Variants in FBN2 observed in about 807,000 individuals in gnomAD.
FBN2 encodes the protein fibrillin 2.
A neutral mutation model predicts 355.6 loss-of-function variants in FBN2; 105 were observed. The ratio of observed to expected loss-of-function variants is 0.30; its 90% CI spans 0.25 to 0.35. The LOEUF is 0.35. Ranked by LOEUF, FBN2 falls within the 10% of genes least tolerant of loss-of-function variation. The probability of loss-of-function intolerance (pLI) is 1.00; values close to 1 mark genes in which losing one functional copy is unlikely to be tolerated. For missense variants in FBN2, 3,280 were observed against 3,758.7 expected (o/e 0.87, Z 3.33); for synonymous variants, 1,350 against 1,301.2 (o/e 1.04, Z -0.81).
Position 128,273,855 on chromosome 5 carries a change from C to T in FBN2, c.7825G>A (p.Gly2609Arg), listed in dbSNP as rs745860565. Reference protein sequence around the residue: ...CQRGFSLDATGLNCEDVDECD... With the variant: ...CQRGFSLDATRLNCEDVDECD... ...ATCAACTAACCTTCACAGTTCAGTC[C>T]GGTGGCATCAAGAGAGAACCCTCTT... The change falls in exon 61 of 65, where the codon GGA becomes AGA. Residue 2609 changes from glycine (G) to arginine (R), a missense_variant. By Grantham distance (125) the Gly-to-Arg change is moderately radical. Coordinates refer to ENST00000262464, the MANE Select transcript of FBN2 (RefSeq NM_001999.4). The T allele has an allele frequency of 1.1e-5, 18 of 1,613,652 alleles. No individual in the cohort carries two copies. Among genetic ancestry groups the T allele is most frequent in the East Asian group, 6.7e-5 (3 of 44,860 alleles).
intron 34 of FBN2, among the ~76,000 whole-genome samples, chr5:128,324,380 C>T (rs1408461295): frequency 1.3e-5 from 2 of 152,008 alleles, no homozygotes; most frequent in Non-Finnish European, 2.9e-5. Flanking sequence ...GTGATGTTAG[C>T]GTGTTGATTT....
At chr5:128,513,376 A>C (rs1009066597) in intron 5 of FBN2, among the ~76,000 whole-genome samples, 2 of 152,236 alleles carry the variant, frequency 1.3e-5, no homozygotes, top group Non-Finnish European at 2.9e-5. Flanking sequence ...TTTCTACACC[A>C]ATTAACCTCT....
Position 128,259,379 on chromosome 5 carries a change from T to C in FBN2, c.*76A>G. ...TTATTATTATTTTTCCTCTTTAAAA[T>C]TAGTCCTTGACTTTTCAAATGCTTC... On this transcript the variant is annotated 3_prime_UTR_variant, in exon 65 of 65. Coordinates refer to ENST00000262464, the MANE Select transcript of FBN2 (RefSeq NM_001999.4). 1 of 1,533,280 alleles carries C rather than the reference T, an allele frequency of 6.5e-7. No homozygotes were observed. The highest frequency in any genetic ancestry group is 9.0e-7 in the Non-Finnish European group (1 of 1,108,548). The allele number at this position is 1,533,280 out of a possible 1,614,324, so 95.0% of individuals were successfully genotyped here.
chr5:128,471,824 T>G (rs894557856), intron 5 of FBN2, among the ~76,000 whole-genome samples: 1 of 152,182 alleles, frequency 6.6e-6, no homozygotes, highest in Non-Finnish European at 1.5e-5. Flanking sequence ...TATTTATACA[T>G]GTAGTTTTTA....
intron 62 of FBN2, among the ~76,000 whole-genome samples, chr5:128,270,310 T>C (rs997010789): frequency 6.6e-6 from 1 of 152,234 alleles, no homozygotes; most frequent in East Asian, 1.9e-4. Context: ...GTGGATCACC[T>C]GAGGTCAGGA....
At chr5:128,469,646 G>A (rs1414511881) in intron 5 of FBN2, among the ~76,000 whole-genome samples, 1 of 152,016 alleles carries the variant, frequency 6.6e-6, no homozygotes. Context: ...GAAATCTCAT[G>A]ATCAAGACAC....
chr5:128,350,817 G>T (rs1384075992), intron 21 of FBN2, 51 bp downstream of exon 21: 1 of 1,604,578 alleles, frequency 6.2e-7, no homozygotes, highest in Non-Finnish European at 8.5e-7. Context: ...TGTCCTAGTG[G>T]CAGGAGAAGT....
At chr5:128,487,348 C>T (rs975370556) in intron 5 of FBN2, among the ~76,000 whole-genome samples, 1 of 152,148 alleles carries the variant, frequency 6.6e-6, no homozygotes, top group Non-Finnish European at 1.5e-5. Context: ...GTAAAACAAG[C>T]CACAGAGATT....
intron 11 of FBN2, among the ~76,000 whole-genome samples, chr5:128,390,971 T>C (rs1752494147): frequency 6.6e-6 from 1 of 152,208 alleles, no homozygotes; most frequent in South Asian, 2.1e-4. Flanking sequence ...ATATGATTTT[T>C]TGATAGTACA....
chr5:128,295,213 G>C (rs896621133), intron 48 of FBN2, among the ~76,000 whole-genome samples: 1 of 149,842 alleles, frequency 6.7e-6, no homozygotes, highest in African/African-American at 2.4e-5. Context: ...TTTGGTACCA[G>C]TACCATGCTG....
chr5:128,413,905 T>C (rs1357785996), intron 7 of FBN2, among the ~76,000 whole-genome samples: 1 of 152,198 alleles, frequency 6.6e-6, no homozygotes, highest in African/African-American at 2.4e-5. Flanking sequence ...TTGCATACAC[T>C]GAACTTCCAC....
chr5:128,398,741 G>A (rs1002568281), intron 8 of FBN2, among the ~76,000 whole-genome samples: 7 of 152,152 alleles, frequency 4.6e-5, no homozygotes, highest in East Asian at 1.9e-4. Context: ...AAATCTCATC[G>A]TGAATTCCCA....
chr5:128,483,859 C>T lies in FBN2; in HGVS notation c.629-18938G>A, dbSNP rs985822143. The stretch of plus-strand genomic sequence containing the variant: ...CAATTCTCTTCAAAAGCATAATCCT[C>T]TTTATAGAGTAGACAAATCTGGTTG... On this transcript the variant is annotated intron_variant, in intron 5 of 64. Transcript: ENST00000262464. Among the ~76,000 whole-genome samples the T allele has an allele frequency of 2.0e-5, 3 of 152,296 alleles. No homozygotes were observed. The East Asian group carries it at 5.8e-4, about 29-fold the overall frequency.
chr5:128,334,492 C>G (rs959981828), intron 31 of FBN2, among the ~76,000 whole-genome samples: 1 of 152,180 alleles, frequency 6.6e-6, no homozygotes, highest in Non-Finnish European at 1.5e-5. Context: ...CTCACTCACT[C>G]TGTCACAGCC....
intron 5 of FBN2, among the ~76,000 whole-genome samples, chr5:128,510,891 G>A (rs549335252): frequency 1.3e-5 from 2 of 152,224 alleles, no homozygotes; most frequent in East Asian, 3.9e-4. Flanking sequence ...AAGTATATGG[G>A]TTCTGAGGTT....
chr5:128,436,270 T>C (rs1017867804), intron 7 of FBN2, among the ~76,000 whole-genome samples: 11 of 152,208 alleles, frequency 7.2e-5, no homozygotes, highest in African/African-American at 1.4e-4. Flanking sequence ...TCTTCCCCGC[T>C]GGTCTCACTT....
At chr5:128,430,783 G>A (rs1753599167) in intron 7 of FBN2, among the ~76,000 whole-genome samples, 1 of 151,778 alleles carries the variant, frequency 6.6e-6, no homozygotes, top group African/African-American at 2.4e-5. Flanking sequence ...GGCGGAGGCT[G>A]CAGTGAGCCG....
chr5:128,418,498 CTT>C (rs1753263066), intron 7 of FBN2, among the ~76,000 whole-genome samples: 1 of 152,054 alleles, frequency 6.6e-6, no homozygotes, highest in Non-Finnish European at 1.5e-5. Flanking sequence ...AAACTTTCCT[CTT>C]AGCATTACTT....
At chr5:128,437,603 T>C (rs1753801927) in intron 7 of FBN2, among the ~76,000 whole-genome samples, 1 of 152,122 alleles carries the variant, frequency 6.6e-6, no homozygotes, top group African/African-American at 2.4e-5. Context: ...CATGGGTGCT[T>C]ATTACATTGT....
Sources: gnomAD v4.1 joint callset for allele counts (sites outside exome capture counted in the v4.1 genomes callset) on GRCh38, gnomAD v4.1.1 for gene constraint, MANE v1.5 for transcripts, NCBI Gene and HGNC (gene_info 2026-07-23, HGNC 2026-07-21) for gene names.